Variants in AGMO observed in about 807,000 individuals in gnomAD.
AGMO encodes glyceryl-ether monooxygenase.
A neutral mutation model predicts 60.2 loss-of-function variants in AGMO; 75 were observed. The observed-to-expected ratio is 1.25, with a 90% confidence interval of 1.03 to 1.51. AGMO has a LOEUF of 1.51. Among genes scored for constraint, AGMO ranks in the 40% most tolerant of loss-of-function variants. AGMO has a pLI of 0.00. For synonymous variants in AGMO, 261 were observed against 177.1 expected (o/e 1.47, Z -3.76); for missense variants, 763 against 525.5 (o/e 1.45, Z -4.42).
chr7:15,245,098 A>G (rs1412271987), intron 12 of AGMO, among the ~76,000 whole-genome samples: 1 of 152,216 alleles, frequency 6.6e-6, no homozygotes, highest in Non-Finnish European at 1.5e-5. Context: ...GACTATCAGG[A>G]TAAGAATGTA....
At chr7:15,416,031 T>A (rs1171741777) in intron 5 of AGMO, among the ~76,000 whole-genome samples, 3 of 147,180 alleles carry the variant, frequency 2.0e-5, no homozygotes, top group Non-Finnish European at 4.5e-5. Context: ...TTTTTTCTTT[T>A]TTTTTTTTTT....
At chr7:15,244,286 A>G (rs911582620) in intron 12 of AGMO, among the ~76,000 whole-genome samples, 1 of 152,232 alleles carries the variant, frequency 6.6e-6, no homozygotes, top group African/African-American at 2.4e-5. Flanking sequence ...TGCTCAAAAT[A>G]TATTTGAATA....
intron 3 of AGMO, among the ~76,000 whole-genome samples, chr7:15,531,130 G>GTATATATTCTA (rs1386103885): frequency 3.5e-5 from 1 of 28,660 alleles, no homozygotes; most frequent in Non-Finnish European, 5.9e-5. Flanking sequence ...TATATATTCT[G>GTATATATTCTA]TATATATTCT....
At chr7:15,227,954 C>T (rs906240717) in intron 12 of AGMO, among the ~76,000 whole-genome samples, 7 of 152,090 alleles carry the variant, frequency 4.6e-5, no homozygotes, top group African/African-American at 1.4e-4. Flanking sequence ...TGTTGGGCAG[C>T]GATCCCCTTT....
chr7:15,161,880 T>C, the AGMO span, among the ~76,000 whole-genome samples: 12 of 152,136 alleles, frequency 7.9e-5, no homozygotes, highest in East Asian at 1.2e-3. Context: ...ATGAAGATAA[T>C]TGTTTGCCTC....
intron 4 of AGMO, among the ~76,000 whole-genome samples, chr7:15,421,309 G>C (rs146139686): frequency 6.6e-6 from 1 of 151,934 alleles, no homozygotes. Flanking sequence ...GCGAGTCTTC[G>C]GTATGTCTGT....
intron 12 of AGMO, among the ~76,000 whole-genome samples, chr7:15,228,588 TG>T (rs1289156581): frequency 6.6e-6 from 1 of 151,734 alleles, no homozygotes; most frequent in Non-Finnish European, 1.5e-5. Flanking sequence ...GACAGAAAAG[TG>T]AAAGAGCAAG....
At chr7:15,363,694 T>A (rs752689535) in intron 12 of AGMO, among the ~76,000 whole-genome samples, 1 of 152,160 alleles carries the variant, frequency 6.6e-6, no homozygotes, top group Non-Finnish European at 1.5e-5. Flanking sequence ...CCCTCCACCA[T>A]CTCATCATCA....
chr7:15,366,074 T>G, intron 11 of AGMO, 66 bp downstream of exon 11: 1 of 1,237,698 alleles, frequency 8.1e-7, no homozygotes, highest in Non-Finnish European at 1.2e-6. Context: ...ACTGGTATTT[T>G]ACCACTCTGT....
chr7:15,152,483 T>A, the AGMO span, among the ~76,000 whole-genome samples: 1 of 152,154 alleles, frequency 6.6e-6, no homozygotes, highest in African/African-American at 2.4e-5. Context: ...TAGTCTTTTG[T>A]CTCTCAACCC....
chr7:15,494,950 T>C (rs1004225115), intron 3 of AGMO, among the ~76,000 whole-genome samples: 1 of 152,242 alleles, frequency 6.6e-6, no homozygotes, highest in Admixed American at 6.5e-5. Context: ...AAAGACATTT[T>C]TACAATTTGC....
At chr7:15,437,840 G>A (rs1481053215) in intron 3 of AGMO, among the ~76,000 whole-genome samples, 4 of 152,192 alleles carry the variant, frequency 2.6e-5, no homozygotes, top group African/African-American at 7.2e-5. Context: ...GCGCCCGGAT[G>A]TTTGGCCACA....
At chr7:15,432,196 C>T (rs2128498695) in intron 3 of AGMO, among the ~76,000 whole-genome samples, 1 of 151,368 alleles carries the variant, frequency 6.6e-6, no homozygotes, top group Middle Eastern at 3.4e-3. Context: ...AACAGTGAAG[C>T]TAGAACTGGA....
chr7:15,551,083 T>C (rs1784945034), intron 2 of AGMO, among the ~76,000 whole-genome samples: 1 of 151,954 alleles, frequency 6.6e-6, no homozygotes, highest in South Asian at 2.1e-4. Flanking sequence ...ATTATCTCAA[T>C]AGATGCAGGA....
At position 15,304,968 on chromosome 7, in the gene AGMO, T is replaced by C. The variant is rs779676230; in HGVS notation, c.1263+60546A>G. ...CTCTTGCTTCCCCCTTCCCCCAGGG[T>C]TTCCCTCCTGCCATCTCAAAGCAGG... On this transcript the variant is annotated intron_variant, in intron 12 of 12. Transcript: ENST00000342526. Among the ~76,000 whole-genome samples, 5 of 151,934 alleles carry C rather than the reference T, an allele frequency of 3.3e-5. No homozygotes were observed. The South Asian group carries it at 8.3e-4, about 25-fold the overall frequency.
the AGMO span, among the ~76,000 whole-genome samples, chr7:15,135,832 T>C: frequency 6.6e-6 from 1 of 151,940 alleles, no homozygotes; most frequent in African/African-American, 2.4e-5. Context: ...ACTTTTTTTT[T>C]CCTTTTACTT....
At chr7:15,422,002 A>C (rs1164702321) in intron 4 of AGMO, among the ~76,000 whole-genome samples, 2 of 152,140 alleles carry the variant, frequency 1.3e-5, no homozygotes, top group Admixed American at 1.3e-4. Flanking sequence ...AATTTTTAAG[A>C]GACAGAGAGA....
chr7:15,354,929 A>T (rs1782463768), intron 12 of AGMO, among the ~76,000 whole-genome samples: 1 of 152,058 alleles, frequency 6.6e-6, no homozygotes, highest in African/African-American at 2.4e-5. Flanking sequence ...TAGCATATAA[A>T]AGGGATACAA....
At chr7:15,408,277 G>C (rs1213312431) in intron 5 of AGMO, among the ~76,000 whole-genome samples, 1 of 151,768 alleles carries the variant, frequency 6.6e-6, no homozygotes, top group African/African-American at 2.4e-5. Context: ...TTGGGGACAA[G>C]GGAAAGTCAT....
Sources: allele counts gnomAD v4.1 joint callset (sites outside exome capture counted in the v4.1 genomes callset), GRCh38; gene constraint gnomAD v4.1.1; transcripts MANE v1.5; gene names NCBI Gene and HGNC (gene_info 2026-07-23, HGNC 2026-07-21).